PI4K2B: variants seen among roughly 807,000 people sequenced by gnomAD.
PI4K2B encodes phosphatidylinositol 4-kinase type 2 beta.
A neutral mutation model predicts 56.6 loss-of-function variants in PI4K2B; 46 were observed. The observed-to-expected ratio is 0.81, with a 90% confidence interval of 0.64 to 1.04. The LOEUF is 1.04. Among genes scored for constraint, PI4K2B ranks in the 50% least tolerant of loss-of-function variants. PI4K2B has a pLI of 0.00. For synonymous variants in PI4K2B, 211 were observed against 223.8 expected (o/e 0.94, Z 0.51); for missense variants, 556 against 607.7 (o/e 0.91, Z 0.89).
At chr4:25,271,460 C>T (rs912959648) in intron 9 of PI4K2B, among the ~76,000 whole-genome samples, 1 of 152,114 alleles carries the variant, frequency 6.6e-6, no homozygotes, top group Non-Finnish European at 1.5e-5. Context: ...CTGCAGAAGG[C>T]TGGGCTGGAC....
chr4:25,265,155 A>G (rs993166488), intron 7 of PI4K2B, among the ~76,000 whole-genome samples: 1 of 131,952 alleles, frequency 7.6e-6, no homozygotes, highest in Non-Finnish European at 1.5e-5. Context: ...AGATCGCGCC[A>G]TTGCACTCCA....
At chr4:25,235,622 G>A (rs1396996749) in intron 1 of PI4K2B, among the ~76,000 whole-genome samples, 2 of 152,166 alleles carry the variant, frequency 1.3e-5, no homozygotes, top group Non-Finnish European at 2.9e-5. Context: ...ACCAAACAAC[G>A]TGAAGCTGAA....
intron 2 of PI4K2B, chr4:25,254,444 C>T (rs1174417090): frequency 7.5e-6 from 3 of 401,040 alleles, no homozygotes; most frequent in Admixed American, 6.5e-5. Flanking sequence ...GACAGAGTCT[C>T]GCTCTGTCAC....
intron 9 of PI4K2B, among the ~76,000 whole-genome samples, chr4:25,270,038 G>T (rs761203262): frequency 7.9e-5 from 12 of 152,052 alleles, no homozygotes; most frequent in Non-Finnish European, 1.2e-4. Context: ...TTTTGACCTT[G>T]TTGTATACTG....
At chr4:25,257,818 A>G (rs185404115) in intron 4 of PI4K2B, among the ~76,000 whole-genome samples, 13 of 152,342 alleles carry the variant, frequency 8.5e-5, no homozygotes, top group Admixed American at 6.5e-4. Context: ...AAGTGTGACT[A>G]AAGGAGGATG....
intron 1 of PI4K2B, among the ~76,000 whole-genome samples, chr4:25,244,622 C>T (rs1410121273): frequency 6.6e-6 from 1 of 152,128 alleles, no homozygotes; most frequent in Non-Finnish European, 1.5e-5. Flanking sequence ...GTCCCAATGG[C>T]TTAGGATGCA....
Position 25,253,615 on chromosome 4 carries a change from A to G in PI4K2B, c.423+1140A>G, listed in dbSNP as rs114093713. Among the ~76,000 whole-genome samples the G allele has an allele frequency of 4.3e-3, 649 of 152,300 alleles. 5 individuals carry two copies. Among genetic ancestry groups the G allele is most frequent in the African/African-American group, 0.015 (616 of 41,562 alleles). On this transcript the variant is annotated intron_variant, in intron 2 of 9. Transcript: ENST00000264864. ...CTTATTGCATTATATTTATTGTGTT[A>G]TAAAGCAATTATATACTTAAAATTA...
Position 25,256,538 on chromosome 4 carries a change from T to C in PI4K2B, c.625-5T>C. 1 of 1,611,556 alleles carries C rather than the reference T, an allele frequency of 6.2e-7. No individual in the cohort carries two copies. The highest frequency in any genetic ancestry group is 2.2e-5 in the East Asian group (1 of 44,856). On this transcript the variant is annotated splice_region_variant and splice_polypyrimidine_tract_variant and intron_variant, in intron 3 of 9. Transcript: ENST00000264864. ...TAACCATTTTTCTGAATTGTATGTTTCTAGGTGGTTTGGCTTGTCAGTGAG... is the reference window on the plus strand; with the variant it reads ...TAACCATTTTTCTGAATTGTATGTTCCTAGGTGGTTTGGCTTGTCAGTGAG...
At chr4:25,276,835 G>A (rs3796781) in intron 9 of PI4K2B, 179 bp from the exon 10 acceptor site, 59,282 of 978,528 alleles carry the variant, frequency 0.061, 1,974 homozygotes, top group South Asian at 0.13. Context: ...GTGTGTGCGC[G>A]TGTGTGTGTA....
chr4:25,240,783 C>T (rs1715483448), intron 1 of PI4K2B, among the ~76,000 whole-genome samples: 4 of 152,140 alleles, frequency 2.6e-5, no homozygotes, highest in South Asian at 4.1e-4. Flanking sequence ...CTCTTTCTGA[C>T]TCTCTGACTT....
Position 25,255,148 on chromosome 4 carries a change from C to A in PI4K2B, c.507C>A (p.Val169=). The change falls in exon 3 of 10, where the codon GTC becomes GTA. Residue 169 remains valine, a synonymous_variant. Transcript: ENST00000264864. ...AATGGACCAAATATGTCCATAAGGT[C>A]TGCTGCCCTTGCTGCTTTGGCCGAG... is the stretch of plus-strand genomic sequence containing the variant. ...NPKWTKYVHK[V]CCPCCFGRGC... 6.2e-7 allele frequency: 1 copy of A among 1,614,074 alleles called. No homozygotes were observed. Among genetic ancestry groups the A allele is most frequent in the Non-Finnish European group, 8.5e-7 (1 of 1,179,920 alleles).
intron 1 of PI4K2B, among the ~76,000 whole-genome samples, chr4:25,237,779 G>C (rs1474691012): frequency 6.6e-6 from 1 of 152,180 alleles, no homozygotes; most frequent in Middle Eastern, 3.2e-3. Context: ...TCAGGAGACC[G>C]AGGCAGGAGG....
intron 7 of PI4K2B, among the ~76,000 whole-genome samples, chr4:25,266,263 C>T (rs866245228): frequency 6.6e-6 from 1 of 152,194 alleles, no homozygotes. Flanking sequence ...AAACTCCTGG[C>T]TCAAGCAATC....
intron 1 of PI4K2B, among the ~76,000 whole-genome samples, chr4:25,248,899 A>G (rs1577682193): frequency 1.3e-5 from 2 of 151,914 alleles, no homozygotes; most frequent in South Asian, 4.2e-4. Context: ...TAGTGGAGGG[A>G]AGGTCAGCAG....
intron 1 of PI4K2B, among the ~76,000 whole-genome samples, chr4:25,247,263 A>G (rs796070012): frequency 2.6e-5 from 4 of 152,344 alleles, no homozygotes; most frequent in African/African-American, 7.2e-5. Context: ...ATGTGTTTTG[A>G]CCATTTTCCA....
At chr4:25,267,704 A>T in intron 7 of PI4K2B, 3 of 876,494 alleles carry the variant, frequency 3.4e-6, no homozygotes, top group Non-Finnish European at 4.1e-6. Flanking sequence ...TCTCTAGAAG[A>T]TTATACCTGT....
chr4:25,274,520 T>C (rs889256677), intron 9 of PI4K2B, among the ~76,000 whole-genome samples: 3 of 152,160 alleles, frequency 2.0e-5, no homozygotes, highest in African/African-American at 7.2e-5. Flanking sequence ...CAGAGGTCCT[T>C]TCCATCACAC....
chr4:25,259,298 C>T (rs1716367537), intron 5 of PI4K2B, 108 bp downstream of exon 5: 1 of 719,082 alleles, frequency 1.4e-6, no homozygotes, highest in South Asian at 1.9e-5. Flanking sequence ...CTTGAAGCCA[C>T]TTTCTCTGTC....
At chr4:25,242,552 G>A (rs191106985) in intron 1 of PI4K2B, among the ~76,000 whole-genome samples, 2 of 152,332 alleles carry the variant, frequency 1.3e-5, no homozygotes, top group African/African-American at 4.8e-5. Context: ...GGTACCACTG[G>A]ATATAGAGGA....
Sources: allele counts gnomAD v4.1 joint callset (sites outside exome capture counted in the v4.1 genomes callset), GRCh38; gene constraint gnomAD v4.1.1; transcripts MANE v1.5; gene names NCBI Gene and HGNC (gene_info 2026-07-23, HGNC 2026-07-21).